Variants in LTBP1 observed in about 807,000 individuals in gnomAD.
LTBP1 encodes latent-transforming growth factor beta-binding protein 1.
LTBP1 carries 129 observed loss-of-function variants against 207.6 expected under a neutral mutation model. The observed-to-expected ratio is 0.62, with a 90% CI of 0.54 to 0.72. LTBP1 has a LOEUF of 0.72. LTBP1 is among the 30% of genes least tolerant of loss of function. The pLI, the probability that LTBP1 is intolerant of heterozygous loss-of-function variation, is 0.00. For synonymous variants in LTBP1, 963 were observed against 833.7 expected (o/e 1.16, Z -2.67); for missense variants, 2,281 against 2,217.2 (o/e 1.03, Z -0.58).
chr2:33,262,371 G>T (rs765057803), intron 13 of LTBP1, among the ~76,000 whole-genome samples: 1 of 152,162 alleles, frequency 6.6e-6, no homozygotes, highest in Non-Finnish European at 1.5e-5. Flanking sequence ...AATAGTCCTC[G>T]TTGGGGGTTA....
intron 3 of LTBP1, among the ~76,000 whole-genome samples, chr2:33,102,803 C>T (rs1166210579): frequency 6.6e-6 from 1 of 152,136 alleles, no homozygotes; most frequent in Non-Finnish European, 1.5e-5. Flanking sequence ...ATGTTGTATG[C>T]ACTGTCTGTA....
rs71407500 is a variant in LTBP1 at position 33,103,586 on chromosome 2, CGTGTGTGTGT to C, written c.864-6964_864-6955del. 1.1e-3 allele frequency among the ~76,000 whole-genome samples: 125 copies of C among 118,224 alleles called. 1 individual carries two copies. Among genetic ancestry groups the C allele is most frequent in the Admixed American group, 2.1e-3 (26 of 12,216 alleles). The allele number at this position is 118,224 out of a possible 152,430, so 77.6% of individuals were successfully genotyped here. A position where few individuals can be genotyped will look rare whatever the true frequency, so the allele number is the denominator to read the frequency against. On this transcript the variant is annotated intron_variant, in intron 3 of 33. Transcript: ENST00000404816. Reference sequence around the variant, plus strand: ...GACCATAAATCCTTGTCTCCGTTTACGTGTGTGTGTGTGTGTGTGTGTGTGTGTGTGTGTG... The same window carrying C: ...GACCATAAATCCTTGTCTCCGTTTACGTGTGTGTGTGTGTGTGTGTGTGTG...
intron 22 of LTBP1, 76 bp downstream of exon 22, chr2:33,301,720 T>C (rs2093991954): frequency 1.5e-6 from 2 of 1,292,614 alleles, no homozygotes; most frequent in Non-Finnish European, 2.1e-6. Context: ...TCAGCCTTGA[T>C]CTTTGAACCT....
At chr2:33,245,265 T>C (rs1276980340) in intron 10 of LTBP1, among the ~76,000 whole-genome samples, 1 of 152,250 alleles carries the variant, frequency 6.6e-6, no homozygotes, top group Admixed American at 6.5e-5. Context: ...TTGGTTGACA[T>C]GTTCTTCATG....
intron 4 of LTBP1, among the ~76,000 whole-genome samples, chr2:33,112,143 TGATAA>T (rs2080449041): frequency 6.6e-6 from 1 of 152,202 alleles, no homozygotes. Flanking sequence ...ATGATTATAC[TGATAA>T]GAGAAGAGAA....
chr2:33,043,391 C>T lies in LTBP1; in HGVS notation c.863+22185C>T, dbSNP rs571024339. ...TTATGTAACTATAATTATAAAAAAT[C>T]GTATATTATTGTGTTTAATAAAAAC... is the stretch of plus-strand genomic sequence containing the variant. On this transcript the variant is annotated intron_variant, in intron 3 of 33. Transcript: ENST00000404816. Among the ~76,000 whole-genome samples, 222 of 152,008 alleles carry T rather than the reference C, an allele frequency of 1.5e-3. 1 individual carries two copies. In the South Asian group the frequency reaches 0.015, roughly 11 times the overall value.
chr2:33,216,819 C>T (rs1257517148), intron 7 of LTBP1, among the ~76,000 whole-genome samples: 1 of 152,208 alleles, frequency 6.6e-6, no homozygotes, highest in Non-Finnish European at 1.5e-5. Flanking sequence ...CCCTGCCTCT[C>T]AGCTTTTTCT....
intron 2 of LTBP1, among the ~76,000 whole-genome samples, chr2:32,970,314 G>A (rs1208343423): frequency 6.6e-6 from 1 of 151,996 alleles, no homozygotes; most frequent in African/African-American, 2.4e-5. Flanking sequence ...TTTCCCTTTG[G>A]CATCTTTGTC....
At chr2:33,198,712 G>T (rs1328769124) in intron 7 of LTBP1, among the ~76,000 whole-genome samples, 1 of 152,124 alleles carries the variant, frequency 6.6e-6, no homozygotes, top group Non-Finnish European at 1.5e-5. Context: ...TTCTCTGATG[G>T]TAGTTTGTAT....
At chr2:33,107,252 G>A (rs552797433) in intron 3 of LTBP1, among the ~76,000 whole-genome samples, 21 of 152,092 alleles carry the variant, frequency 1.4e-4, no homozygotes, top group Non-Finnish European at 2.4e-4. Context: ...ATATGTATTC[G>A]ATCTCCATGT....
Position 33,156,353 on chromosome 2 carries a change from G to A in LTBP1, c.1201+21393G>A, listed in dbSNP as rs144678551. ...AATTCTCAGGGAAAAGACCATATTC[G>A]TCGTGCTTGTGAGATCCATCTTACT... On this transcript the variant is annotated intron_variant, in intron 5 of 33. Coordinates refer to ENST00000404816, the MANE Select transcript of LTBP1 (RefSeq NM_206943.4). 1.6e-3 allele frequency among the ~76,000 whole-genome samples: 251 copies of A among 152,240 alleles called. 1 individual carries two copies. The highest frequency in any genetic ancestry group is 5.8e-3 in the African/African-American group (239 of 41,562).
Position 33,370,016 on chromosome 2 carries a change from T to C in LTBP1, c.4711+4513T>C, listed in dbSNP as rs548244800. ...ACCAGGTTGCCCTGCCTTTGCATCC[T>C]GGTTTGGCAACTTCTTTTCCCCATG... is the stretch of plus-strand genomic sequence containing the variant. On this transcript the variant is annotated intron_variant, in intron 31 of 33. Coordinates refer to ENST00000404816, the MANE Select transcript of LTBP1 (RefSeq NM_206943.4). Among the ~76,000 whole-genome samples, 6 of 149,916 alleles carry C rather than the reference T, an allele frequency of 4.0e-5. No individual in the cohort carries two copies. The East Asian group carries it at 9.6e-4, about 24-fold the overall frequency.
At chr2:33,015,900 A>G (rs1688309803) in intron 2 of LTBP1, among the ~76,000 whole-genome samples, 1 of 152,120 alleles carries the variant, frequency 6.6e-6, no homozygotes, top group Non-Finnish European at 1.5e-5. Context: ...TCTCAGAATC[A>G]CCCACTCACT....
intron 31 of LTBP1, among the ~76,000 whole-genome samples, chr2:33,385,912 G>T (rs1363358613): frequency 2.6e-5 from 4 of 152,190 alleles, no homozygotes; most frequent in Non-Finnish European, 5.9e-5. Context: ...CTTGGAATGT[G>T]AATGTGTTAG....
At chr2:33,275,777 A>T (rs936691409) in intron 17 of LTBP1, 24 bp from the exon 18 acceptor site, 2 of 1,613,684 alleles carry the variant, frequency 1.2e-6, no homozygotes, top group African/African-American at 1.3e-5. Context: ...CACAAAACTC[A>T]ACAATGCTAT....
At chr2:33,183,275 T>TA (rs1368700074) in intron 5 of LTBP1, among the ~76,000 whole-genome samples, 1 of 152,240 alleles carries the variant, frequency 6.6e-6, no homozygotes, top group Non-Finnish European at 1.5e-5. Flanking sequence ...TGTTGGCTCA[T>TA]ACTGTCTTTC....
intron 3 of LTBP1, among the ~76,000 whole-genome samples, chr2:33,040,369 G>A (rs1355659501): frequency 2.0e-5 from 3 of 152,208 alleles, no homozygotes; most frequent in Non-Finnish European, 4.4e-5. Flanking sequence ...GAGCTCACAG[G>A]TCAGTGGAAG....
In LTBP1 at chr2:33,361,529, G is replaced by A; in HGVS notation, c.4270+14G>A. ...AGAACTATAAAGGTCAGAATCAAGT[G>A]GAAACAAATTTTCAGCACATTGTGT... On this transcript the variant is annotated intron_variant, in intron 28 of 33. Coordinates refer to ENST00000404816, the MANE Select transcript of LTBP1 (RefSeq NM_206943.4). The A allele has an allele frequency of 6.3e-7, 1 of 1,592,992 alleles. No homozygotes were observed.
At chr2:33,064,386 A>G (rs1209716653) in intron 3 of LTBP1, among the ~76,000 whole-genome samples, 2 of 152,174 alleles carry the variant, frequency 1.3e-5, no homozygotes, top group African/African-American at 4.8e-5. Context: ...AGTTTCATGG[A>G]TGCTGACAGA....
Sources: allele counts gnomAD v4.1 joint callset (sites outside exome capture counted in the v4.1 genomes callset), GRCh38; gene constraint gnomAD v4.1.1; transcripts MANE v1.5; gene names NCBI Gene and HGNC (gene_info 2026-07-23, HGNC 2026-07-21).